Variants in PARD3B observed in about 807,000 individuals in gnomAD.
PARD3B encodes the protein par-3 family cell polarity regulator beta.
Under a neutral mutation model 130.2 loss-of-function variants are expected in PARD3B, and 103 were observed. The ratio of observed to expected loss-of-function variants is 0.79; its 90% CI spans 0.67 to 0.93. The LOEUF is 0.93. PARD3B is among the 40% of genes least tolerant of loss of function. PARD3B has a pLI of 0.00. For synonymous variants in PARD3B, 583 were observed against 553.2 expected, an observed-to-expected ratio of 1.05 and a Z score of -0.76; for missense variants, 1,609 against 1,499.2, an observed-to-expected ratio of 1.07 and a Z score of -1.21.
intron 15 of PARD3B, among the ~76,000 whole-genome samples, chr2:205,243,899 A>C (rs2039461135): frequency 6.6e-6 from 1 of 152,236 alleles, no homozygotes; most frequent in South Asian, 2.1e-4. Flanking sequence ...AAGTACTCAG[A>C]AAATATGAGT....
chr2:205,272,756 T>G (rs1175383483), intron 16 of PARD3B, among the ~76,000 whole-genome samples: 1 of 152,164 alleles, frequency 6.6e-6, no homozygotes, highest in Non-Finnish European at 1.5e-5. Context: ...AAGACATAAT[T>G]CTGTCCCTTT....
At chr2:205,261,403 A>G (rs2040304719) in intron 16 of PARD3B, among the ~76,000 whole-genome samples, 1 of 152,204 alleles carries the variant, frequency 6.6e-6, no homozygotes, top group African/African-American at 2.4e-5. Context: ...GAATGAATGA[A>G]TGAATGATTA....
At chr2:204,738,522 T>C (rs1386387446) in intron 2 of PARD3B, among the ~76,000 whole-genome samples, 5 of 152,192 alleles carry the variant, frequency 3.3e-5, no homozygotes, top group Admixed American at 6.5e-5. Flanking sequence ...AAAACAAGTC[T>C]AGTTTATTAG....
intron 2 of PARD3B, among the ~76,000 whole-genome samples, chr2:204,721,062 A>G (rs1574810272): frequency 6.6e-6 from 1 of 152,180 alleles, no homozygotes; most frequent in South Asian, 2.1e-4. Context: ...TGTGGTCATA[A>G]CTTAGTCATG....
chr2:205,149,752 T>C (rs2033616956), intron 10 of PARD3B, among the ~76,000 whole-genome samples: 1 of 152,166 alleles, frequency 6.6e-6, no homozygotes, highest in African/African-American at 2.4e-5. Context: ...CCCTGGTTGC[T>C]TTGAATTTGA....
At chr2:204,553,546 G>A (rs1195381360) in intron 1 of PARD3B, among the ~76,000 whole-genome samples, 1 of 146,058 alleles carries the variant, frequency 6.8e-6, no homozygotes, top group Non-Finnish European at 1.5e-5. Flanking sequence ...GGGTGTGTGT[G>A]TGTGTGTGTG....
intron 20 of PARD3B, among the ~76,000 whole-genome samples, chr2:205,487,378 A>G (rs954695502): frequency 2.0e-5 from 3 of 152,196 alleles, no homozygotes; most frequent in Non-Finnish European, 4.4e-5. Flanking sequence ...CTGCTGTATT[A>G]ATCTACTGAC....
chr2:204,671,024 A>C (rs2036272984), intron 1 of PARD3B, among the ~76,000 whole-genome samples: 1 of 152,016 alleles, frequency 6.6e-6, no homozygotes, highest in African/African-American at 2.4e-5. Flanking sequence ...TAAGCCTTGC[A>C]TGGTTATGTT....
At chr2:204,609,852 G>C (rs2033860773) in intron 1 of PARD3B, among the ~76,000 whole-genome samples, 1 of 152,092 alleles carries the variant, frequency 6.6e-6, no homozygotes, top group African/African-American at 2.4e-5. Context: ...GAGAGACCTG[G>C]CTGTATTAGC....
chr2:204,730,585 G>GA (rs201459754), intron 2 of PARD3B, among the ~76,000 whole-genome samples: 17,881 of 134,572 alleles, frequency 0.13, 1,451 homozygotes, highest in African/African-American at 0.25. Flanking sequence ...AAAAAAAAAA[G>GA]AAAAAAAAAA....
intron 8 of PARD3B, among the ~76,000 whole-genome samples, chr2:205,123,552 G>A (rs1248317688): frequency 6.6e-6 from 1 of 151,856 alleles, no homozygotes; most frequent in Non-Finnish European, 1.5e-5. Flanking sequence ...GTGGCTACAT[G>A]GGAGGACAAT....
chr2:204,874,690 C>T (rs958353813), intron 2 of PARD3B, among the ~76,000 whole-genome samples: 1 of 152,100 alleles, frequency 6.6e-6, no homozygotes, highest in Non-Finnish European at 1.5e-5. Context: ...CCAACAGAGA[C>T]GTAGCTGTTT....
At position 205,057,589 on chromosome 2, in the gene PARD3B, G is replaced by A. The variant is rs559092763; in HGVS notation, c.504+9899G>A. ...TATATGTATATGTGTATGTGTATAC[G>A]TATATATACATATATGTGTATGTGT... On this transcript the variant is annotated intron_variant, in intron 4 of 22. Transcript: ENST00000406610. Among the ~76,000 whole-genome samples, 58 of 119,176 alleles carry A rather than the reference G, an allele frequency of 4.9e-4. 2 individuals carry two copies. Among genetic ancestry groups the A allele is most frequent in the Non-Finnish European group, 8.2e-4 (46 of 56,104 alleles). The allele number at this position is 119,176 out of a possible 152,430, so 78.2% of individuals were successfully genotyped here.
At chr2:205,390,995 A>G (rs535774438) in intron 18 of PARD3B, among the ~76,000 whole-genome samples, 1 of 152,294 alleles carries the variant, frequency 6.6e-6, no homozygotes, top group East Asian at 1.9e-4. Context: ...AGATGACCCC[A>G]TTTGCCTGTC....
chr2:205,157,935 A>C (rs990205246), intron 10 of PARD3B, among the ~76,000 whole-genome samples: 3 of 152,090 alleles, frequency 2.0e-5, no homozygotes, highest in African/African-American at 7.2e-5. Flanking sequence ...GGAGACCTGA[A>C]CCCTAAATAT....
At chr2:205,028,529 G>C (rs1042960098) in intron 3 of PARD3B, among the ~76,000 whole-genome samples, 5 of 152,026 alleles carry the variant, frequency 3.3e-5, no homozygotes, top group African/African-American at 1.2e-4. Context: ...AGGTTAACAG[G>C]AGCAGACTCA....
rs1437391324 is a variant in PARD3B, at chr2:205,089,175, G to A, written c.505-15251G>A. ...TTTTTTTTTCTTTTTTTCTTTTTTTGTTTGTTTGTTTGGAGATGAAGTCTC... is the reference window on the plus strand; with the variant it reads ...TTTTTTTTTCTTTTTTTCTTTTTTTATTTGTTTGTTTGGAGATGAAGTCTC... On this transcript the variant is annotated intron_variant, in intron 4 of 22. Coordinates refer to ENST00000406610, the MANE Select transcript of PARD3B (RefSeq NM_001302769.2). Among the ~76,000 whole-genome samples the A allele has an allele frequency of 2.7e-5, 3 of 109,578 alleles. No individual in the cohort carries two copies. In the Admixed American group the frequency reaches 2.9e-4, roughly 10 times the overall value. 71.9% of individuals were successfully genotyped at this position (109,578 alleles called of 152,430 possible).
In PARD3B at chr2:205,237,381, C is replaced by T. The variant is rs76780971; in HGVS notation, c.2141-8397C>T. Among the ~76,000 whole-genome samples, 42 of 152,278 alleles carry T rather than the reference C, an allele frequency of 2.8e-4. No homozygotes were observed. In the East Asian group the frequency reaches 7.0e-3, roughly 25 times the overall value. On this transcript the variant is annotated intron_variant, in intron 15 of 22. Transcript: ENST00000406610. Reference sequence around the variant, plus strand: ...CCTCCCAAAGTGTAGGTGGGAGCCACCACACTCAGCCAGTTGTTATCCTTT... The same window carrying T: ...CCTCCCAAAGTGTAGGTGGGAGCCATCACACTCAGCCAGTTGTTATCCTTT...
chr2:204,557,006 A>AT (rs374055935), intron 1 of PARD3B, among the ~76,000 whole-genome samples: 7,670 of 144,058 alleles, frequency 0.053, 656 homozygotes, highest in African/African-American at 0.18. Context: ...GCTTTTCAGG[A>AT]TTTTTTTTTT....
Sources: allele counts gnomAD v4.1 joint callset (sites outside exome capture counted in the v4.1 genomes callset), GRCh38; gene constraint gnomAD v4.1.1; transcripts MANE v1.5; gene names NCBI Gene and HGNC (gene_info 2026-07-23, HGNC 2026-07-21).